Variants in GPR171 observed in about 807,000 individuals in gnomAD.
GPR171 encodes the protein G protein-coupled receptor 171.
In GPR171, 14 loss-of-function variants were observed where a neutral mutation model predicts 16.7. That is an observed-to-expected ratio of 0.84 (90% CI 0.55 to 1.31). The LOEUF is 1.31. GPR171 is among the 40% of genes most tolerant of loss of function. GPR171 has a pLI of 0.00. For synonymous variants in GPR171, 134 were observed against 135.6 expected, an observed-to-expected ratio of 0.99 and a Z score of 0.08; for missense variants, 337 against 378.9, an observed-to-expected ratio of 0.89 and a Z score of 0.92.
rs1456374073 is a variant in GPR171 at position 151,197,958 on chromosome 3, A to G, written c.*469T>C. 3 of 152,778 alleles carry G rather than the reference A, an allele frequency of 2.0e-5. No individual in the cohort carries two copies. The highest frequency in any genetic ancestry group is 2.9e-5 in the Non-Finnish European group (2 of 68,114). 9.5% of individuals were successfully genotyped at this position (152,778 alleles called of 1,614,324 possible). On this transcript the variant is annotated 3_prime_UTR_variant, in exon 3 of 3. Coordinates refer to ENST00000309180, the MANE Select transcript of GPR171 (RefSeq NM_013308.4). Reference sequence around the variant, plus strand: ...TCTTTTGAAGTGATAGATTAGAAATAAAATAGGCACAAGTTGTTATATGTA... The same window carrying G: ...TCTTTTGAAGTGATAGATTAGAAATGAAATAGGCACAAGTTGTTATATGTA...
chr3:151,201,101 T>C (rs1447033580), intron 1 of GPR171, 104 bp from the exon 2 acceptor site: 1 of 152,262 alleles, frequency 6.6e-6, no homozygotes, highest in Admixed American at 6.5e-5. Context: ...AACTATGTTC[T>C]AAACAATTTT....
chr3:151,201,860 T>A (rs1239458251), intron 1 of GPR171, among the ~76,000 whole-genome samples: 1 of 152,230 alleles, frequency 6.6e-6, no homozygotes, highest in Non-Finnish European at 1.5e-5. Flanking sequence ...CTTACGCACT[T>A]CTATTTCAAA....
chr3:151,201,786 C>T (rs894998561), intron 1 of GPR171, among the ~76,000 whole-genome samples: 3 of 152,262 alleles, frequency 2.0e-5, no homozygotes, highest in East Asian at 1.9e-4. Context: ...AACTAGTATT[C>T]GTGTGCATTG....
At chr3:151,201,635 C>A (rs573414942) in intron 1 of GPR171, among the ~76,000 whole-genome samples, 15 of 152,140 alleles carry the variant, frequency 9.9e-5, no homozygotes, top group Non-Finnish European at 2.2e-4. Flanking sequence ...TTCCTGAATC[C>A]TGCTTATTCC....
Position 151,198,925 on chromosome 3 carries a change from G to C in GPR171, c.462C>G (p.Ile154Met). ...CATTTGACTTTTCCTTGATGTCTTT[G>C]ATGGGAATCATCATATTTGGCACCA... ...LIMVPNMMIP[I>M]KDIKEKSNVG... The change falls in exon 3 of 3, where the codon ATC becomes ATG. Residue 154 changes from isoleucine (I) to methionine (M), a missense_variant. Coordinates refer to ENST00000309180, the MANE Select transcript of GPR171 (RefSeq NM_013308.4). The C allele has an allele frequency of 6.2e-7, 1 of 1,613,860 alleles. No homozygotes were observed.
Position 151,203,140 on chromosome 3 carries a change from T to A in GPR171, c.-179A>T, listed in dbSNP as rs1725878435. 1 of 152,216 alleles carries A rather than the reference T, an allele frequency of 6.6e-6. No homozygotes were observed. Among genetic ancestry groups the A allele is most frequent in the Admixed American group, 6.5e-5 (1 of 15,280 alleles). The allele number at this position is 152,216 out of a possible 1,614,324, so 9.4% of individuals were successfully genotyped here. A position where few individuals can be genotyped will look rare whatever the true frequency, so the allele number is the denominator to read the frequency against. On this transcript the variant is annotated 5_prime_UTR_variant, in exon 1 of 3. Transcript: ENST00000309180. Reference sequence around the variant, plus strand: ...TTCTGTGAGCCTCAGCAAGCCTTGCTGCAAGTCTTCAGAGAAGCATGAGCT... The same window carrying A: ...TTCTGTGAGCCTCAGCAAGCCTTGCAGCAAGTCTTCAGAGAAGCATGAGCT...
chr3:151,198,707 A>G lies in GPR171; in HGVS notation c.680T>C (p.Leu227Ser). 1.9e-6 allele frequency: 3 copies of G among 1,613,964 alleles called. No individual in the cohort carries two copies. Among genetic ancestry groups the G allele is most frequent in the Non-Finnish European group, 1.7e-6 (2 of 1,179,806 alleles). Residue 227 changes from leucine (L) to serine (S), a missense_variant, in exon 3 of 3, where the codon TTA (leucine) becomes TCA (serine). By Grantham distance (145) the Leu-to-Ser change is moderately radical. Coordinates refer to ENST00000309180, the MANE Select transcript of GPR171 (RefSeq NM_013308.4). ...NVKKALINILLVTTGYIICFV... is the reference protein window; with the variant it reads ...NVKKALINILSVTTGYIICFV... The stretch of plus-strand genomic sequence containing the variant: ...GCATATGATGTAGCCCGTGGTCACT[A>G]AAAGTATGTTGATGAGAGCCTTTTT...
chr3:151,202,602 G>A (rs1468415978), intron 1 of GPR171, among the ~76,000 whole-genome samples: 1 of 152,194 alleles, frequency 6.6e-6, no homozygotes, highest in Non-Finnish European at 1.5e-5. Context: ...CCCGGGATGT[G>A]GAGGTTGAAG....
Position 151,198,555 on chromosome 3 carries a change from G to A in GPR171, c.832C>T (p.Leu278=), listed in dbSNP as rs759157815. ...EATLLLAVSN[L]CFDPILYYHL... ...TAGTACAGGATAGGATCAAAGCACA[G>A]GTTCGACACAGCCAGGAGCAGTGTA... The change falls in exon 3 of 3, where the codon CTG becomes TTG. Residue 278 remains leucine (L), a synonymous_variant. Transcript: ENST00000309180. 3 of 1,614,084 alleles carry A rather than the reference G, an allele frequency of 1.9e-6. No homozygotes were observed. The highest frequency in any genetic ancestry group is 1.6e-4 in the Middle Eastern group (1 of 6,062).
rs1170617118 is a variant in GPR171 at position 151,198,018 on chromosome 3, A to C, written c.*409T>G. 6.5e-6 allele frequency: 1 copy of C among 153,946 alleles called. No homozygotes were observed. The highest frequency in any genetic ancestry group is 1.9e-4 in the East Asian group (1 of 5,228). 9.5% of individuals were successfully genotyped at this position (153,946 alleles called of 1,614,324 possible). A position where few individuals can be genotyped will look rare whatever the true frequency, so the allele number is the denominator to read the frequency against. ...TTTTAAAAGTAATCTGAAAGGCTTT[A>C]AAATTATGTTGCTGGTGGGCTTTCT... On this transcript the variant is annotated 3_prime_UTR_variant, in exon 3 of 3. Transcript: ENST00000309180.
At position 151,198,571 on chromosome 3, in the gene GPR171, G is replaced by A. The variant is rs757068792; in HGVS notation, c.816C>T (p.Leu272=). 1 of 1,613,764 alleles carries A rather than the reference G, an allele frequency of 6.2e-7. No homozygotes were observed. The highest frequency in any genetic ancestry group is 1.3e-5 in the African/African-American group (1 of 74,900). Residue 272 remains leucine (L), a synonymous_variant, in exon 3 of 3, where the codon CTC becomes CTT. Transcript: ENST00000309180. ...CAAAGCACAGGTTCGACACAGCCAGGAGCAGTGTAGCCTCTTTGGCTTTGA... is the reference window on the plus strand; with the variant it reads ...CAAAGCACAGGTTCGACACAGCCAGAAGCAGTGTAGCCTCTTTGGCTTTGA... The part of the protein sequence containing the change: ...SLFKAKEATL[L]LAVSNLCFDP...
rs1724965733 is a variant in GPR171 at position 151,198,333 on chromosome 3, TTTTTTTTTG to T, written c.*85_*93del. On this transcript the variant is annotated 3_prime_UTR_variant, in exon 3 of 3. Coordinates refer to ENST00000309180, the MANE Select transcript of GPR171 (RefSeq NM_013308.4). Reference sequence around the variant, plus strand: ...GCTAACTGTATTTTTTCATACTGAGTTTTTTTTTGTTTTTTTTTTTTTTATCTTTCAAAG... The same window carrying T: ...GCTAACTGTATTTTTTCATACTGAGTTTTTTTTTTTTTTTATCTTTCAAAG... 3 of 928,614 alleles carry T rather than the reference TTTTTTTTTG, an allele frequency of 3.2e-6. No homozygotes were observed. Among genetic ancestry groups the T allele is most frequent in the Non-Finnish European group, 4.5e-6 (3 of 672,506 alleles). 57.5% of individuals were successfully genotyped at this position (928,614 alleles called of 1,614,324 possible). A position where few individuals can be genotyped will look rare whatever the true frequency, so the allele number is the denominator to read the frequency against.
chr3:151,202,390 G>T (rs973669016), intron 1 of GPR171, among the ~76,000 whole-genome samples: 2 of 152,200 alleles, frequency 1.3e-5, no homozygotes, highest in African/African-American at 4.8e-5. Flanking sequence ...AAATAAACTG[G>T]CTGGGCACAG....
Position 151,199,411 on chromosome 3 carries a change from C to T in GPR171, c.-25G>A. Reference sequence around the variant, plus strand: ...TCTTGAGGGAAAGTAAGGATGACTGCTTATTGAAAAGAAAAAATTTCTAAG... The same window carrying T: ...TCTTGAGGGAAAGTAAGGATGACTGTTTATTGAAAAGAAAAAATTTCTAAG... On this transcript the variant is annotated 5_prime_UTR_variant, in exon 3 of 3. Transcript: ENST00000309180. 2 of 1,553,608 alleles carry T rather than the reference C, an allele frequency of 1.3e-6. No individual in the cohort carries two copies. Among genetic ancestry groups the T allele is most frequent in the Non-Finnish European group, 1.7e-6 (2 of 1,156,546 alleles).
Position 151,198,267 on chromosome 3 carries a change from T to G in GPR171, c.*160A>C, listed in dbSNP as rs1724950298. ...CCTAACAATAAAGCTTGACTTGCAT[T>G]TAGAAACAGGATTTCTAAGTAAACC... On this transcript the variant is annotated 3_prime_UTR_variant, in exon 3 of 3. Coordinates refer to ENST00000309180, the MANE Select transcript of GPR171 (RefSeq NM_013308.4). 1.8e-6 allele frequency: 1 copy of G among 552,844 alleles called. No individual in the cohort carries two copies. Among genetic ancestry groups the G allele is most frequent in the Admixed American group, 3.5e-5 (1 of 28,214 alleles). 34.2% of individuals were successfully genotyped at this position (552,844 alleles called of 1,614,324 possible).
rs751807698 is a variant in GPR171, at chr3:151,198,871, A to C, written c.516T>G (p.Phe172Leu). Residue 172 changes from phenylalanine (F) to leucine (L), a missense_variant, in exon 3 of 3, where the codon TTT (phenylalanine) becomes TTG (leucine). Physicochemically the swap from Phe to Leu is conservative, Grantham distance 22. Transcript: ENST00000309180. Reference protein sequence around the residue: ...NVGCMEFKKEFGRNWHLLTNF... With the variant: ...NVGCMEFKKELGRNWHLLTNF... ...TTGTCAGCAAATGCCAATTTCTTCC[A>C]AATTCCTTTTTAAACTCCATACAAC... 1.2e-6 allele frequency: 2 copies of C among 1,614,132 alleles called. No individual in the cohort carries two copies. The highest frequency in any genetic ancestry group is 2.2e-5 in the South Asian group (2 of 91,090).
chr3:151,198,373 A>G lies in GPR171; in HGVS notation c.*54T>C, dbSNP rs1201092398. The G allele has an allele frequency of 7.7e-7, 1 of 1,293,774 alleles. No individual in the cohort carries two copies. Among genetic ancestry groups the G allele is most frequent in the African/African-American group, 1.5e-5 (1 of 67,264 alleles). The allele number at this position is 1,293,774 out of a possible 1,614,324, so 80.1% of individuals were successfully genotyped here. On this transcript the variant is annotated 3_prime_UTR_variant, in exon 3 of 3. Transcript: ENST00000309180. ...TTTTTTTTTATCTTTCAAAGCTATA[A>G]TTAACTTTATGGTCCAGTAAGGCCA...
intron 2 of GPR171, 25 bp from the exon 3 acceptor site, chr3:151,199,464 G>A: frequency 1.6e-6 from 2 of 1,246,924 alleles, no homozygotes; most frequent in South Asian, 3.0e-5. Flanking sequence ...AGGAAAGGGA[G>A]GTTAGTAATT....
In GPR171 at chr3:151,198,775, T is replaced by G; in HGVS notation, c.612A>C (p.Arg204=). The G allele has an allele frequency of 6.2e-7, 1 of 1,613,818 alleles. No individual in the cohort carries two copies. Among genetic ancestry groups the G allele is most frequent in the Non-Finnish European group, 8.5e-7 (1 of 1,179,672 alleles). The change falls in exon 3 of 3, where the codon CGA becomes CGC. Residue 204 remains arginine (R), a synonymous_variant. Coordinates refer to ENST00000309180, the MANE Select transcript of GPR171 (RefSeq NM_013308.4). ...CATTATCTTTGTTTCTGTAGAGCTG[T>G]CGAATTACAAGGCAATTGGATATTA... ...IILISNCLVI[R]QLYRNKDNEN...
Sources: gnomAD v4.1 joint callset for allele counts (sites outside exome capture counted in the v4.1 genomes callset) on GRCh38, gnomAD v4.1.1 for gene constraint, MANE v1.5 for transcripts, NCBI Gene and HGNC (gene_info 2026-07-23, HGNC 2026-07-21) for gene names.